INVS: variants seen among roughly 807,000 people sequenced by gnomAD.
INVS encodes inversion of embryo turning homolog.
INVS carries 86 observed loss-of-function variants against 108.8 expected under a neutral mutation model. That is an observed-to-expected ratio of 0.79 (90% CI 0.66 to 0.95). The LOEUF is 0.95. INVS is among the 40% of genes least tolerant of loss of function. INVS has a pLI of 0.00. For synonymous variants in INVS, 455 were observed against 473.5 expected (o/e 0.96, Z 0.51); for missense variants, 1,169 against 1,297.4 (o/e 0.90, Z 1.52).
intron 12 of INVS, among the ~76,000 whole-genome samples, chr9:100,282,603 C>T (rs988888706): frequency 1.1e-4 from 17 of 152,158 alleles, no homozygotes; most frequent in Non-Finnish European, 2.4e-4. Context: ...CTTCAAATGC[C>T]GTAGTCCATA....
chr9:100,292,779 CAGG>C lies in INVS; in HGVS notation c.2526_2528del (p.Gly843del). ...AACAAAGTGACACAAGCCAAGCTCA[CAGG>C]AGGGCTCTATTCACATTTGCCACAG... is the stretch of plus-strand genomic sequence containing the variant. On this transcript the variant is annotated inframe_deletion, in exon 14 of 17. Coordinates refer to ENST00000262457, the MANE Select transcript of INVS (RefSeq NM_014425.5). The C allele has an allele frequency of 6.2e-7, 1 of 1,614,134 alleles. No homozygotes were observed.
intron 2 of INVS, among the ~76,000 whole-genome samples, chr9:100,123,601 T>C (rs978500259): frequency 2.4e-4 from 37 of 152,212 alleles, no homozygotes; most frequent in African/African-American, 7.7e-4. Flanking sequence ...TGTGGACATA[T>C]GTCTTCGTTT....
chr9:100,275,223 T>A (rs1428363941), intron 12 of INVS, among the ~76,000 whole-genome samples: 2 of 152,226 alleles, frequency 1.3e-5, no homozygotes, highest in Non-Finnish European at 2.9e-5. Context: ...GTGGCAAGCA[T>A]AAGTAGATAA....
chr9:100,260,074 G>A (rs1832568425), intron 10 of INVS, among the ~76,000 whole-genome samples: 2 of 148,602 alleles, frequency 1.3e-5, no homozygotes, highest in Non-Finnish European at 3.0e-5. Context: ...GTTTCACCAT[G>A]TTGGCCAGGC....
Position 100,184,926 on chromosome 9 carries a change from TC to T in INVS, c.274-41134del, listed in dbSNP as rs1402296521. Among the ~76,000 whole-genome samples, 7 of 152,314 alleles carry T rather than the reference TC, an allele frequency of 4.6e-5. No homozygotes were observed. In the East Asian group the frequency reaches 1.2e-3, roughly 25 times the overall value. On this transcript the variant is annotated intron_variant, in intron 3 of 16. Transcript: ENST00000262457. ...TACTCAAGTTACAATTAATTTGTGA[TC>T]CTTTGCTATAAAGCTATTTCTTACC... is the stretch of plus-strand genomic sequence containing the variant.
chr9:100,275,047 G>A (rs1048322536), intron 12 of INVS, among the ~76,000 whole-genome samples: 1 of 152,154 alleles, frequency 6.6e-6, no homozygotes, highest in Non-Finnish European at 1.5e-5. Flanking sequence ...ACCATTTTCT[G>A]TGACTCTAAA....
At chr9:100,218,401 G>A (rs1831053257) in intron 3 of INVS, among the ~76,000 whole-genome samples, 1 of 152,192 alleles carries the variant, frequency 6.6e-6, no homozygotes, top group Admixed American at 6.5e-5. Context: ...GGCAGTTTTA[G>A]TCAAGTCTTG....
intron 3 of INVS, among the ~76,000 whole-genome samples, chr9:100,213,406 A>G (rs1247831952): frequency 6.6e-6 from 1 of 151,828 alleles, no homozygotes; most frequent in African/African-American, 2.4e-5. Flanking sequence ...GGGTCTCACT[A>G]TGTGGCTCAG....
At chr9:100,291,457 G>A (rs1390797694) in intron 13 of INVS, among the ~76,000 whole-genome samples, 2 of 151,956 alleles carry the variant, frequency 1.3e-5, no homozygotes, top group Admixed American at 6.5e-5. Context: ...GTGTGCTAAC[G>A]TTTTGAGAGA....
chr9:100,177,707 G>A (rs142650795), intron 3 of INVS, among the ~76,000 whole-genome samples: 161 of 152,328 alleles, frequency 1.1e-3, no homozygotes, highest in African/African-American at 3.6e-3. Context: ...ATCTTCAGCA[G>A]ACTTAAATGT....
chr9:100,283,877 G>A (rs1833350891), intron 12 of INVS, among the ~76,000 whole-genome samples: 2 of 151,914 alleles, frequency 1.3e-5, no homozygotes, highest in Non-Finnish European at 2.9e-5. Flanking sequence ...AGGTTTGATG[G>A]GCTTTTTTAA....
chr9:100,273,095 G>A lies in INVS; in HGVS notation c.1784+19G>A, dbSNP rs1367364453. 2 of 1,608,258 alleles carry A rather than the reference G, an allele frequency of 1.2e-6. No individual in the cohort carries two copies. Among genetic ancestry groups the A allele is most frequent in the Non-Finnish European group, 1.7e-6 (2 of 1,174,988 alleles). ...CTGCCAAGTAAGTATGAGCTACGCA[G>A]ATTGCGTTTTCGCCACCCAGAATCA... On this transcript the variant is annotated intron_variant, in intron 12 of 16. Transcript: ENST00000262457.
chr9:100,141,088 G>T (rs1828413190), intron 3 of INVS, among the ~76,000 whole-genome samples: 1 of 152,196 alleles, frequency 6.6e-6, no homozygotes, highest in Non-Finnish European at 1.5e-5. Flanking sequence ...GTGTAAACAA[G>T]AGCAGGGCAT....
chr9:100,228,502 C>T (rs1041272247), intron 4 of INVS, among the ~76,000 whole-genome samples: 4 of 152,090 alleles, frequency 2.6e-5, no homozygotes, highest in South Asian at 2.1e-4. Context: ...TATTAAAATT[C>T]GAAACATCCT....
rs142606077 is a variant in INVS, at chr9:100,297,151, C to T, written c.3016+5C>T. 26 of 1,610,680 alleles carry T rather than the reference C, an allele frequency of 1.6e-5. No homozygotes were observed. In the Middle Eastern group the frequency reaches 5.0e-4, roughly 31 times the overall value. The stretch of plus-strand genomic sequence containing the variant: ...CAGTGCTTAAGCAAATCTATGGTAA[C>T]TGTCCTTCTGCCTACTTTGTAGTTC... On this transcript the variant is annotated splice_donor_5th_base_variant and intron_variant, in intron 15 of 16. Coordinates refer to ENST00000262457, the MANE Select transcript of INVS (RefSeq NM_014425.5).
intron 2 of INVS, among the ~76,000 whole-genome samples, chr9:100,107,965 G>A (rs1299540937): frequency 6.6e-6 from 1 of 151,968 alleles, no homozygotes; most frequent in Non-Finnish European, 1.5e-5. Context: ...ATCATCTTGA[G>A]GGCCAGGACT....
intron 3 of INVS, among the ~76,000 whole-genome samples, chr9:100,148,020 CAAA>C (rs551874913): frequency 3.8e-5 from 3 of 79,066 alleles, no homozygotes; most frequent in Non-Finnish European, 3.3e-5. Context: ...CCTGTCTCTA[CAAA>C]AAAAAAAAAA....
chr9:100,279,766 G>A (rs1463652046), intron 12 of INVS, among the ~76,000 whole-genome samples: 1 of 152,112 alleles, frequency 6.6e-6, no homozygotes. Flanking sequence ...TGTATTCATG[G>A]CAATGGAAAC....
intron 11 of INVS, among the ~76,000 whole-genome samples, chr9:100,267,989 A>G (rs1314044481): frequency 2.0e-5 from 3 of 152,202 alleles, no homozygotes; most frequent in Non-Finnish European, 2.9e-5. Context: ...ACTGATGAAT[A>G]CTTAAACACA....
Sources: allele counts gnomAD v4.1 joint callset (sites outside exome capture counted in the v4.1 genomes callset), GRCh38; gene constraint gnomAD v4.1.1; transcripts MANE v1.5; gene names NCBI Gene and HGNC (gene_info 2026-07-23, HGNC 2026-07-21).